The following DPP6 variants were observed in gnomAD, a reference collection of about 807,000 sequenced individuals.
The protein encoded by DPP6 is A-type potassium channel modulatory protein DPP6.
DPP6 carries 69 observed loss-of-function variants against 122.6 expected under a neutral mutation model. The observed-to-expected ratio is 0.56, with a 90% CI of 0.46 to 0.69. The LOEUF (loss-of-function observed/expected upper bound fraction) is 0.69. Among genes scored for constraint, DPP6 ranks in the 30% least tolerant of loss-of-function variants. DPP6 has a pLI of 0.00. For synonymous variants in DPP6, 418 were observed against 433.1 expected (o/e 0.97, Z 0.43); for missense variants, 928 against 1,116.9 (o/e 0.83, Z 2.41).
At chr7:154,081,545 G>A (rs1400099146) in intron 1 of DPP6, among the ~76,000 whole-genome samples, 1 of 146,470 alleles carries the variant, frequency 6.8e-6, no homozygotes, top group African/African-American at 2.6e-5. Flanking sequence ...AGCTGGAGGA[G>A]GGAGCGGTCA....
At chr7:154,748,195 C>G (rs1370748378) in intron 8 of DPP6, among the ~76,000 whole-genome samples, 1 of 152,202 alleles carries the variant, frequency 6.6e-6, no homozygotes, top group Non-Finnish European at 1.5e-5. Flanking sequence ...ATCCTCTCTG[C>G]ACAGGGCAGA....
chr7:154,730,654 C>T (rs1424045860), intron 8 of DPP6, among the ~76,000 whole-genome samples: 1 of 152,148 alleles, frequency 6.6e-6, no homozygotes, highest in Non-Finnish European at 1.5e-5. Flanking sequence ...GGTCATTCTG[C>T]CACAGGGCAG....
intron 10 of DPP6, among the ~76,000 whole-genome samples, chr7:154,785,778 C>G (rs1164555663): frequency 6.6e-6 from 1 of 152,214 alleles, no homozygotes; most frequent in Non-Finnish European, 1.5e-5. Context: ...TTTCTCATAA[C>G]TAAGTGATTA....
chr7:154,287,094 C>G (rs1804905817), intron 1 of DPP6, among the ~76,000 whole-genome samples: 1 of 152,216 alleles, frequency 6.6e-6, no homozygotes. Context: ...AGCCACCGTG[C>G]CTGGCCTATG....
intron 3 of DPP6, among the ~76,000 whole-genome samples, chr7:154,491,446 A>G (rs1412173648): frequency 2.0e-5 from 3 of 152,182 alleles, no homozygotes; most frequent in Non-Finnish European, 4.4e-5. Flanking sequence ...AAGACACAAC[A>G]TATTCAAGTC....
chr7:154,809,915 G>A (rs896082899), intron 16 of DPP6, among the ~76,000 whole-genome samples: 8 of 152,188 alleles, frequency 5.3e-5, no homozygotes, highest in Admixed American at 3.9e-4. Context: ...TGCCGCCCAG[G>A]CTGGAGTGCA....
chr7:154,005,757 A>G (rs1797887303), intron 1 of DPP6, among the ~76,000 whole-genome samples: 1 of 150,638 alleles, frequency 6.6e-6, no homozygotes, highest in South Asian at 2.1e-4. Flanking sequence ...ACCCCAGGGA[A>G]TAGGAGGAGA....
Position 154,159,665 on chromosome 7 carries a change from G to A in DPP6, c.243+106602G>A, listed in dbSNP as rs555010324. Among the ~76,000 whole-genome samples the A allele has an allele frequency of 4.6e-5, 7 of 152,418 alleles. No homozygotes were observed. The East Asian group carries it at 1.3e-3, about 29-fold the overall frequency. ...ATGAACTTGCGCACAAAGATGTCAG[G>A]GAGCCATCAGGCACGGCACTGCCTA... On this transcript the variant is annotated intron_variant, in intron 1 of 25. Transcript: ENST00000377770.
At chr7:154,167,116 G>C (rs1437035009) in intron 1 of DPP6, among the ~76,000 whole-genome samples, 1 of 151,436 alleles carries the variant, frequency 6.6e-6, no homozygotes, top group African/African-American at 2.4e-5. Flanking sequence ...AAACACCAGC[G>C]AACAGACCAT....
chr7:153,914,839 G>A (rs192397749), intron 1 of DPP6, among the ~76,000 whole-genome samples: 32 of 152,304 alleles, frequency 2.1e-4, no homozygotes, highest in Admixed American at 2.1e-3. Flanking sequence ...AACAGTGTAC[G>A]AATGTTAAAC....
At chr7:154,174,053 A>G (rs1797672166) in intron 1 of DPP6, among the ~76,000 whole-genome samples, 1 of 152,200 alleles carries the variant, frequency 6.6e-6, no homozygotes, top group Admixed American at 6.5e-5. Flanking sequence ...TCCTTTGGCT[A>G]TAGGGTATTT....
At position 154,539,749 on chromosome 7, in the gene DPP6, A is replaced by G. The variant is rs540255929; in HGVS notation, c.458-783A>G. On this transcript the variant is annotated intron_variant, in intron 3 of 25. Transcript: ENST00000377770. ...TGGTTCAAAACTAAGATGTCGTTAA[A>G]GATGGATACATTTGATGAAATAAAC... Among the ~76,000 whole-genome samples, 4 of 152,292 alleles carry G rather than the reference A, an allele frequency of 2.6e-5. No individual in the cohort carries two copies. In the East Asian group the frequency reaches 7.7e-4, roughly 29 times the overall value.
At chr7:154,255,022 G>A (rs1802568868) in intron 1 of DPP6, among the ~76,000 whole-genome samples, 1 of 152,124 alleles carries the variant, frequency 6.6e-6, no homozygotes, top group South Asian at 2.1e-4. Context: ...CGAAAGAAAA[G>A]GAGAGTGATG....
chr7:154,615,135 C>T (rs1834155741), intron 5 of DPP6, among the ~76,000 whole-genome samples: 1 of 152,104 alleles, frequency 6.6e-6, no homozygotes, highest in Admixed American at 6.5e-5. Context: ...ATCAAAAGGC[C>T]GTGGTTCTTG....
chr7:154,020,422 C>G (rs1208128723), intron 1 of DPP6, among the ~76,000 whole-genome samples: 1 of 151,168 alleles, frequency 6.6e-6, no homozygotes, highest in African/African-American at 2.4e-5. Flanking sequence ...TCAGCGGATC[C>G]AAACCTCTTG....
chr7:154,020,109 CAA>C (rs1798625796), intron 1 of DPP6, among the ~76,000 whole-genome samples: 1 of 143,890 alleles, frequency 6.9e-6, no homozygotes. Flanking sequence ...CACACACACA[CAA>C]ACACACACAC....
chr7:154,711,939 T>TACACACACACACACACACAC (rs57187871), intron 7 of DPP6, among the ~76,000 whole-genome samples: 9 of 63,836 alleles, frequency 1.4e-4, no homozygotes, highest in Admixed American at 3.3e-4. Flanking sequence ...TGTCACTTAA[T>TACACACACACACACACACAC]ACACACACAC....
chr7:154,202,425 C>G (rs115855966), intron 1 of DPP6, among the ~76,000 whole-genome samples: 3,471 of 152,270 alleles, frequency 0.023, 134 homozygotes, highest in African/African-American at 0.078. Context: ...TGTGAAAATG[C>G]AAGCCCTTCC....
At chr7:154,144,612 T>C (rs1270388276) in intron 1 of DPP6, among the ~76,000 whole-genome samples, 26 of 149,210 alleles carry the variant, frequency 1.7e-4, no homozygotes, top group African/African-American at 6.1e-4. Flanking sequence ...TTTAGAAGAA[T>C]GGCAAAGTTG....
Sources: gnomAD v4.1 joint callset for allele counts (sites outside exome capture counted in the v4.1 genomes callset) on GRCh38, gnomAD v4.1.1 for gene constraint, MANE v1.5 for transcripts, NCBI Gene and HGNC (gene_info 2026-07-23, HGNC 2026-07-21) for gene names.